The following VWA3B variants were observed in gnomAD, a reference collection of about 807,000 sequenced individuals.
The protein encoded by VWA3B is von Willebrand factor A domain containing 3B.
VWA3B carries 138 observed loss-of-function variants against 158.3 expected under a neutral mutation model. That is an observed-to-expected ratio of 0.87 (90% CI 0.76 to 1.00). The LOEUF is 1.00. Among genes scored for constraint, VWA3B ranks in the 50% least tolerant of loss-of-function variants. VWA3B has a pLI of 0.00. For missense variants in VWA3B, 1,555 were observed against 1,565.1 expected (o/e 0.99, Z 0.11); for synonymous variants, 596 against 587.3 (o/e 1.01, Z -0.21).
intron 19 of VWA3B, among the ~76,000 whole-genome samples, chr2:98,242,812 C>T (rs568298883): frequency 2.0e-5 from 3 of 150,958 alleles, no homozygotes; most frequent in African/African-American, 7.3e-5. Flanking sequence ...ATTCAGCTCA[C>T]CATTTAGCTG....
chr2:98,290,646 G>A (rs749134960), intron 23 of VWA3B, 24 bp downstream of exon 23: 27 of 1,465,568 alleles, frequency 1.8e-5, no homozygotes, highest in East Asian at 9.5e-5. Flanking sequence ...TTTTAATTTC[G>A]TGAGGCTTTT....
intron 7 of VWA3B, among the ~76,000 whole-genome samples, chr2:98,152,144 C>T (rs1677689706): frequency 6.6e-6 from 1 of 152,174 alleles, no homozygotes; most frequent in Admixed American, 6.5e-5. Context: ...ATCAGGAGTG[C>T]CTGTCCTTCC....
At chr2:98,201,064 C>T (rs1682506349) in intron 12 of VWA3B, among the ~76,000 whole-genome samples, 1 of 152,178 alleles carries the variant, frequency 6.6e-6, no homozygotes, top group African/African-American at 2.4e-5. Flanking sequence ...CAACCTGAAT[C>T]CTCTAGCTTT....
At chr2:98,206,878 G>A (rs1683065275) in intron 12 of VWA3B, 1 of 408,266 alleles carries the variant, frequency 2.4e-6, no homozygotes, top group Non-Finnish European at 4.8e-6. Flanking sequence ...TAAGGGCAAT[G>A]ACTTATATTA....
At chr2:98,270,960 T>C (rs954563819) in intron 22 of VWA3B, 77 bp downstream of exon 22, 9 of 1,423,358 alleles carry the variant, frequency 6.3e-6, no homozygotes, top group Non-Finnish European at 8.7e-6. Flanking sequence ...ATTGGCTTCC[T>C]TCTCTGTCTC....
chr2:98,268,367 G>A (rs1446128760), intron 21 of VWA3B, among the ~76,000 whole-genome samples: 2 of 152,080 alleles, frequency 1.3e-5, no homozygotes, highest in African/African-American at 4.8e-5. Flanking sequence ...TCAACCCTGG[G>A]ATGCAAGGCT....
At chr2:98,129,224 A>AGAGAGAGAGTGT (rs1370543551) in intron 6 of VWA3B, among the ~76,000 whole-genome samples, 7 of 124,562 alleles carry the variant, frequency 5.6e-5, no homozygotes, top group African/African-American at 2.3e-4. Flanking sequence ...AGAGAGAGAG[A>AGAGAGAGAGTGT]GTGTGTGTGT....
At chr2:98,183,412 C>T (rs1680758718) in intron 9 of VWA3B, among the ~76,000 whole-genome samples, 1 of 152,056 alleles carries the variant, frequency 6.6e-6, no homozygotes, top group Admixed American at 6.5e-5. Context: ...TTTATAGGAA[C>T]AGACCCAGGA....
In VWA3B at chr2:98,121,366, G is replaced by T. The variant is rs756260065; in HGVS notation, c.610G>T (p.Ala204Ser). ...TPVTEQSIAT[A>S]ISWVEKLTVE... ...TGTGACCGAACAGTCCATAGCTACT[G>T]CCATCAGTTGGGTTGAGAAACTGAC... The change falls in exon 5 of 28, where the codon GCC (alanine) becomes TCC (serine). Residue 204 changes from alanine to serine, a missense_variant. Ala to Ser is a moderately conservative substitution (Grantham distance 99). Transcript: ENST00000477737. 4 of 1,614,098 alleles carry T rather than the reference G, an allele frequency of 2.5e-6. No homozygotes were observed. Among genetic ancestry groups the T allele is most frequent in the Non-Finnish European group, 3.4e-6 (4 of 1,180,046 alleles).
chr2:98,158,654 C>T (rs1464938277), intron 7 of VWA3B, among the ~76,000 whole-genome samples: 1 of 151,232 alleles, frequency 6.6e-6, no homozygotes, highest in African/African-American at 2.4e-5. Context: ...TCTAGTGGTG[C>T]CCTGGTTCAT....
rs749643890 is a variant in VWA3B at position 98,212,046 on chromosome 2, G to A, written c.1836+18G>A. On this transcript the variant is annotated intron_variant, in intron 13 of 27. Coordinates refer to ENST00000477737, the MANE Select transcript of VWA3B (RefSeq NM_144992.5). ...CTGATCAGGTACTTACCAGAGCTGGGAACAAAGAGGGCCTCACTGATGCTC... is the reference window on the plus strand; with the variant it reads ...CTGATCAGGTACTTACCAGAGCTGGAAACAAAGAGGGCCTCACTGATGCTC... The A allele has an allele frequency of 1.2e-6, 2 of 1,607,948 alleles. No individual in the cohort carries two copies. Among genetic ancestry groups the A allele is most frequent in the African/African-American group, 1.3e-5 (1 of 74,908 alleles).
intron 2 of VWA3B, among the ~76,000 whole-genome samples, chr2:98,114,688 C>G (rs1674393833): frequency 6.6e-6 from 1 of 152,184 alleles, no homozygotes; most frequent in African/African-American, 2.4e-5. Flanking sequence ...AAAAACATCT[C>G]TGTGAAGCCT....
At position 98,115,649 on chromosome 2, in the gene VWA3B, C is replaced by A. The variant is rs1328706221; in HGVS notation, c.197-3C>A. The stretch of plus-strand genomic sequence containing the variant: ...TTGATTGTTTTTCTTTATAAAAATG[C>A]AGATTATGTGGCGTCTCTGGGGAGA... On this transcript the variant is annotated splice_polypyrimidine_tract_variant and splice_region_variant and intron_variant, in intron 2 of 27. Transcript: ENST00000477737. 4 of 1,612,404 alleles carry A rather than the reference C, an allele frequency of 2.5e-6. No individual in the cohort carries two copies. The highest frequency in any genetic ancestry group is 3.4e-6 in the Non-Finnish European group (4 of 1,178,970).
At chr2:98,206,526 A>G (rs17426979) in intron 12 of VWA3B, 21,728 of 491,774 alleles carry the variant, frequency 0.044, 734 homozygotes, top group Non-Finnish European at 0.062. Flanking sequence ...AAAGTCCTGG[A>G]TTCTGGTGCA....
In VWA3B at chr2:98,261,569, G is replaced by A. The variant is rs77469904; in HGVS notation, c.2843+5395G>A. 3.5e-3 allele frequency among the ~76,000 whole-genome samples: 531 copies of A among 151,664 alleles called. 5 individuals carry two copies. The highest frequency in any genetic ancestry group is 7.1e-3 in the Admixed American group (108 of 15,228). ...ACTTGAACATGAAGAGCTCTTTATA[G>A]CATTCCTTTTAGGACAGGTCTACTA... On this transcript the variant is annotated intron_variant, in intron 21 of 27. Transcript: ENST00000477737.
rs535116641 is a variant in VWA3B, at chr2:98,183,308, G to A, written c.1311+2096G>A. Among the ~76,000 whole-genome samples, 4 of 151,548 alleles carry A rather than the reference G, an allele frequency of 2.6e-5. No individual in the cohort carries two copies. The East Asian group carries it at 7.8e-4, about 29-fold the overall frequency. ...TAAAATTGTGATGTGTATAAAGTAG[G>A]AAGAAACTAAGGCTGTGAAATAGGT... On this transcript the variant is annotated intron_variant, in intron 9 of 27. Transcript: ENST00000477737.
At chr2:98,325,103 G>A in the VWA3B span, among the ~76,000 whole-genome samples, 52 of 152,208 alleles carry the variant, frequency 3.4e-4, no homozygotes, top group East Asian at 5.2e-3. Context: ...GAGAGATAAC[G>A]GGGAAAAATA....
chr2:98,096,109 T>C (rs1214121469), intron 2 of VWA3B, among the ~76,000 whole-genome samples: 1 of 152,244 alleles, frequency 6.6e-6, no homozygotes, highest in East Asian at 1.9e-4. Flanking sequence ...TGCATGGTTT[T>C]GGCGTCAGGG....
intron 2 of VWA3B, 87 bp from the exon 3 acceptor site, chr2:98,115,565 G>T: frequency 1.1e-6 from 1 of 929,924 alleles, no homozygotes. Context: ...TAATTTGAAT[G>T]GTGTCAGAGA....
Sources: allele counts gnomAD v4.1 joint callset (sites outside exome capture counted in the v4.1 genomes callset), GRCh38; gene constraint gnomAD v4.1.1; transcripts MANE v1.5; gene names NCBI Gene and HGNC (gene_info 2026-07-23, HGNC 2026-07-21).